Variants in NEFL observed in about 807,000 individuals in gnomAD.
The protein encoded by NEFL is neurofilament light polypeptide.
Under a neutral mutation model 51.6 loss-of-function variants are expected in NEFL, and 36 were observed. The ratio of observed to expected loss-of-function variants is 0.70; its 90% CI spans 0.53 to 0.92. The LOEUF (loss-of-function observed/expected upper bound fraction) is 0.92, where lower values mean the gene tolerates loss of function less well. Ranked by LOEUF, NEFL falls within the 40% of genes least tolerant of loss-of-function variation. The pLI, the probability that NEFL is intolerant of heterozygous loss-of-function variation, is 0.00. For missense variants in NEFL, 671 were observed against 722.0 expected (o/e 0.93, Z 0.81); for synonymous variants, 332 against 302.5 (o/e 1.10, Z -1.01).
chr8:24,954,610 T>C (rs138223314), intron 1 of NEFL, among the ~76,000 whole-genome samples: 62 of 152,356 alleles, frequency 4.1e-4, no homozygotes, highest in Non-Finnish European at 7.2e-4. Context: ...AGAAAAACTG[T>C]GTCTCTCATT....
Position 24,956,586 on chromosome 8 carries a change from G to A in NEFL, c.-71C>T, listed in dbSNP as rs1803061413. 7.1e-7 allele frequency: 1 copy of A among 1,410,464 alleles called. No individual in the cohort carries two copies. The highest frequency in any genetic ancestry group is 1.4e-5 in the African/African-American group (1 of 70,260). 87.4% of individuals were successfully genotyped at this position (1,410,464 alleles called of 1,614,324 possible). On this transcript the variant is annotated 5_prime_UTR_variant, in exon 1 of 4. Transcript: ENST00000610854. The surrounding 1 kb of genome is among the most constrained non-coding windows in gnomAD (Gnocchi z 5.9). ...GGAGAGAGAGGACAGGGGAGAGAGG[G>A]AAGGGGGAGGATGGATGGCTGTGTG...
In NEFL at chr8:24,955,831, C is replaced by A. The variant is rs1381817494; in HGVS notation, c.685G>T (p.Glu229Ter). ...EISFLKKVHE[E>*]EIAELQAQIQ... ...TGCGCCTGCAGTTCGGCGATCTCCT[C>A]TTCGTGCACTTTCTTCAGAAAAGAG... Residue 229 changes from glutamate to a stop codon, truncating the protein, a stop_gained, in exon 1 of 4, where the codon GAG becomes TAG. Transcript: ENST00000610854. LOFTEE classifies it high-confidence loss of function. The surrounding 1 kb of genome is among the most constrained non-coding windows in gnomAD (Gnocchi z 4.0). 1.2e-6 allele frequency: 2 copies of A among 1,611,212 alleles called. No homozygotes were observed. Among genetic ancestry groups the A allele is most frequent in the Non-Finnish European group, 1.7e-6 (2 of 1,179,866 alleles).
At position 24,952,841 on chromosome 8, in the gene NEFL, C is replaced by G. The variant is rs754536296; in HGVS notation, c.1601G>C (p.Gly534Ala). ...EEEEKKVEGA[G>A]EEQAAKKKD ...TTTCTTCTTAGCTGCTTGTTCCTCC[C>G]CAGCACCTTCAACTTTCTTCTCCTC... is the stretch of plus-strand genomic sequence containing the variant. Residue 534 changes from glycine (G) to alanine (A), a missense_variant, in exon 4 of 4, where the codon GGG becomes GCG. Gly to Ala is a moderately conservative substitution (Grantham distance 60). Coordinates refer to ENST00000610854, the MANE Select transcript of NEFL (RefSeq NM_006158.5). The G allele has an allele frequency of 1.9e-6, 3 of 1,613,050 alleles. No individual in the cohort carries two copies. Among genetic ancestry groups the G allele is most frequent in the East Asian group, 4.5e-5 (2 of 44,866 alleles).
rs764562926 is a variant in NEFL at position 24,955,549 on chromosome 8, G to A, written c.967C>T (p.Arg323Trp). 4.3e-6 allele frequency: 7 copies of A among 1,613,232 alleles called. No homozygotes were observed. The highest frequency in any genetic ancestry group is 5.9e-6 in the Non-Finnish European group (7 of 1,179,858). The change falls in exon 1 of 4, where the codon CGG (arginine) becomes TGG (tryptophan). Residue 323 changes from arginine to tryptophan, a missense_variant. Arg to Trp is a moderately radical substitution (Grantham distance 101). Transcript: ENST00000610854. This position sits in a 1 kb window ranked among gnomAD's most constrained non-coding sequence, Gnocchi z 4.0. ...TTCTCCAGCGCTTCATTCATGCCCC[G>A]GCATGCTTCGATTTCCAGGGTCTTG... Reference protein sequence around the residue: ...KAKTLEIEACRGMNEALEKQL... With the variant: ...KAKTLEIEACWGMNEALEKQL...
In NEFL at chr8:24,952,735, CTGGT is replaced by C. The variant is rs565006826; in HGVS notation, c.*71_*74del. 1.2e-6 allele frequency: 2 copies of C among 1,606,658 alleles called. No individual in the cohort carries two copies. The highest frequency in any genetic ancestry group is 1.1e-5 in the South Asian group (1 of 89,992). On this transcript the variant is annotated 3_prime_UTR_variant, in exon 4 of 4. Transcript: ENST00000610854. ...AATTCACATAGAATCTGGAACTCAA[CTGGT>C]TGGTTGGTTGGTGATGGGGTTGACC... is the stretch of plus-strand genomic sequence containing the variant.
chr8:24,955,420 TCCCCCCCTTGCTC>T lies in NEFL; in HGVS notation c.1044+39_1044+51del. 7.2e-6 allele frequency: 7 copies of T among 966,258 alleles called. No homozygotes were observed. The highest frequency in any genetic ancestry group is 1.1e-5 in the Non-Finnish European group (7 of 650,724). The allele number at this position is 966,258 out of a possible 1,614,324, so 59.9% of individuals were successfully genotyped here. ...GTCTCCACTTTCTGGGCGCACCAAC[TCCCCCCCTTGCTC>T]GAGTCCCCCGCCCCCCTGTGTTTCT... is the stretch of plus-strand genomic sequence containing the variant. On this transcript the variant is annotated intron_variant, in intron 1 of 3. Coordinates refer to ENST00000610854, the MANE Select transcript of NEFL (RefSeq NM_006158.5). This position sits in a 1 kb window ranked among gnomAD's most constrained non-coding sequence, Gnocchi z 4.0.
At position 24,951,304 on chromosome 8, in the gene NEFL, T is replaced by G. The variant is rs987728405; in HGVS notation, c.*1506A>C. Reference sequence around the variant, plus strand: ...GTGGTACAAAGGGATTAAGTAACTTTAAATGGAGACCACTTTGGTTTCAGG... The same window carrying G: ...GTGGTACAAAGGGATTAAGTAACTTGAAATGGAGACCACTTTGGTTTCAGG... On this transcript the variant is annotated 3_prime_UTR_variant, in exon 4 of 4. Coordinates refer to ENST00000610854, the MANE Select transcript of NEFL (RefSeq NM_006158.5). 6.6e-6 allele frequency: 1 copy of G among 152,232 alleles called. No homozygotes were observed. Among genetic ancestry groups the G allele is most frequent in the Non-Finnish European group, 1.5e-5 (1 of 68,042 alleles). 9.4% of individuals were successfully genotyped at this position (152,232 alleles called of 1,614,324 possible). A position where few individuals can be genotyped will look rare whatever the true frequency, so the allele number is the denominator to read the frequency against.
chr8:24,951,820 TA>T lies in NEFL; in HGVS notation c.*989del, dbSNP rs879529546. 21 of 152,618 alleles carry T rather than the reference TA, an allele frequency of 1.4e-4. No homozygotes were observed. Among genetic ancestry groups the T allele is most frequent in the Admixed American group, 1.3e-4 (2 of 15,278 alleles). The allele number at this position is 152,618 out of a possible 1,614,324, so 9.5% of individuals were successfully genotyped here. ...CCCTTCTCCTGAAATTATATATAGA[TA>T]AAAAATTATTCCTTCTTATTGTACC... On this transcript the variant is annotated 3_prime_UTR_variant, in exon 4 of 4. Transcript: ENST00000610854.
In NEFL at chr8:24,953,738, G is replaced by A; in HGVS notation, c.1227C>T (p.Thr409=). ...CCTGGGAGCTCTGGGAGTAGCCACT[G>A]GTTATGCTTCCCACGCTGGTGAAAC... is the stretch of plus-strand genomic sequence containing the variant. ...RLSFTSVGSI[T]SGYSQSSQVF... is the part of the protein sequence containing the mutation. The change falls in exon 3 of 4, where the codon ACC becomes ACT. Residue 409 remains threonine, a synonymous_variant. Transcript: ENST00000610854. 6.2e-7 allele frequency: 1 copy of A among 1,613,972 alleles called. No homozygotes were observed. Among genetic ancestry groups the A allele is most frequent in the South Asian group, 1.1e-5 (1 of 91,074 alleles).
rs2117253813 is a variant in NEFL, at chr8:24,955,322, C to T, written c.1044+150G>A. ...GCCCGCACTCACGCCCTTCAAGTGC[C>T]CCACCCCTCCCACACAGTGGCCAAG... is the stretch of plus-strand genomic sequence containing the variant. On this transcript the variant is annotated intron_variant, in intron 1 of 3. Transcript: ENST00000610854. This position sits in a 1 kb window ranked among gnomAD's most constrained non-coding sequence, Gnocchi z 4.0. 3 of 755,532 alleles carry T rather than the reference C, an allele frequency of 4.0e-6. No individual in the cohort carries two copies. The South Asian group carries it at 5.7e-5, about 14-fold the overall frequency. The allele number at this position is 755,532 out of a possible 1,614,324, so 46.8% of individuals were successfully genotyped here.
chr8:24,955,381 C>G lies in NEFL; in HGVS notation c.1044+91G>C. 1.5e-6 allele frequency: 2 copies of G among 1,300,622 alleles called. No homozygotes were observed. The highest frequency in any genetic ancestry group is 2.1e-6 in the Non-Finnish European group (2 of 959,368). The allele number at this position is 1,300,622 out of a possible 1,614,324, so 80.6% of individuals were successfully genotyped here. On this transcript the variant is annotated intron_variant, in intron 1 of 3. Transcript: ENST00000610854. The surrounding 1 kb of genome is among the most constrained non-coding windows in gnomAD (Gnocchi z 4.0). ...CCCTATCCCTAAGAGCTGCGTGCAG[C>G]CGCACCACCCCTGGTCTCCACTTTC...
Position 24,956,248 on chromosome 8 carries a change from C to G in NEFL, c.268G>C (p.Glu90Gln), listed in dbSNP as rs58332872. 1 of 1,612,060 alleles carries G rather than the reference C, an allele frequency of 6.2e-7. No homozygotes were observed. Residue 90 changes from glutamate to glutamine, a missense_variant, in exon 1 of 4, where the codon GAG (glutamate) becomes CAG (glutamine). Coordinates refer to ENST00000610854, the MANE Select transcript of NEFL (RefSeq NM_006158.5). The surrounding 1 kb of genome is among the most constrained non-coding windows in gnomAD (Gnocchi z 5.9). ...SNDLKSIRTQ[E>Q]KAQLQDLNDR... ...TTGAGGTCCTGGAGCTGCGCCTTCT[C>G]CTGCGTGCGGATGGACTTGAGGTCG...
rs1054913532 is a variant in NEFL, at chr8:24,952,937, G to A, written c.1505C>T (p.Ser502Phe). The A allele has an allele frequency of 6.2e-6, 10 of 1,611,008 alleles. No homozygotes were observed. The South Asian group carries it at 6.6e-5, about 11-fold the overall frequency. Reference sequence around the variant, plus strand: ...TTCTTCTTCTTCTTTTGCTTCTTCAGACTCTTCCTTGGCAGCTTTAACATA... The same window carrying A: ...TTCTTCTTCTTCTTTTGCTTCTTCAAACTCTTCCTTGGCAGCTTTAACATA... ...AEEEEAAKEE[S>F]EEAKEEEEGG... The change falls in exon 4 of 4, where the codon TCT becomes TTT. Residue 502 changes from serine (S) to phenylalanine (F), a missense_variant. Transcript: ENST00000610854.
Position 24,956,304 on chromosome 8 carries a change from A to T in NEFL, c.212T>A (p.Leu71His), listed in dbSNP as rs377171291. 1.2e-6 allele frequency: 2 copies of T among 1,610,506 alleles called. No homozygotes were observed. The highest frequency in any genetic ancestry group is 2.7e-5 in the African/African-American group (2 of 74,828). The change falls in exon 1 of 4, where the codon CTC becomes CAC. Residue 71 changes from leucine to histidine, a missense_variant. Coordinates refer to ENST00000610854, the MANE Select transcript of NEFL (RefSeq NM_006158.5). This position sits in a 1 kb window ranked among gnomAD's most constrained non-coding sequence, Gnocchi z 5.9. ...GATGGCGGCTACCTGGCTCAGGTCG[A>T]GGTTCTCCAGACTGGGCATCAACGA... Reference protein sequence around the residue: ...SGSLMPSLENLDLSQVAAISN... With the variant: ...SGSLMPSLENHDLSQVAAISN...
Position 24,955,748 on chromosome 8 carries a change from G to A in NEFL, c.768C>T (p.Ala256=), listed in dbSNP as rs772349866. 2 of 1,613,656 alleles carry A rather than the reference G, an allele frequency of 1.2e-6. No individual in the cohort carries two copies. The highest frequency in any genetic ancestry group is 1.7e-6 in the Non-Finnish European group (2 of 1,179,864). Residue 256 remains alanine, a synonymous_variant, in exon 1 of 4, where the codon GCC becomes GCT. Coordinates refer to ENST00000610854, the MANE Select transcript of NEFL (RefSeq NM_006158.5). The surrounding 1 kb of genome is among the most constrained non-coding windows in gnomAD (Gnocchi z 4.0). ...ACTGCGCGCGGATGTCCTTGAGCGC[G>A]GCGGAAAGGTCGGGCTTGGTCACGT... The part of the protein sequence containing the change: ...EMDVTKPDLS[A]ALKDIRAQYE...
In NEFL at chr8:24,951,777, A is replaced by C. The variant is rs1284102067; in HGVS notation, c.*1033T>G. 6.6e-6 allele frequency: 1 copy of C among 152,636 alleles called. No individual in the cohort carries two copies. Among genetic ancestry groups the C allele is most frequent in the Non-Finnish European group, 1.5e-5 (1 of 68,042 alleles). The allele number at this position is 152,636 out of a possible 1,614,324, so 9.5% of individuals were successfully genotyped here. ...CATGTTTGCAGTGGAGTGGCAAATA[A>C]CCTTTGGTAGTTTTAATCCCTTCTC... On this transcript the variant is annotated 3_prime_UTR_variant, in exon 4 of 4. Coordinates refer to ENST00000610854, the MANE Select transcript of NEFL (RefSeq NM_006158.5).
At position 24,953,480 on chromosome 8, in the gene NEFL, T is replaced by C. The variant is rs1383703053; in HGVS notation, c.1485A>G (p.Glu495=). Residue 495 remains glutamate, a synonymous_variant, in exon 3 of 4, where the codon GAA becomes GAG. Coordinates refer to ENST00000610854, the MANE Select transcript of NEFL (RefSeq NM_006158.5). Reference sequence around the variant, plus strand: ...AGGGGTTTTTTCTTATCATACCTTCTTCCTCTTCAGCTGCCTCCTCTTCCT... The same window carrying C: ...AGGGGTTTTTTCTTATCATACCTTCCTCCTCTTCAGCTGCCTCCTCTTCCT... ...EAEEEEAAEE[E]EAAKEESEEA... is the part of the protein sequence containing the mutation. 4 of 1,568,926 alleles carry C rather than the reference T, an allele frequency of 2.5e-6. No individual in the cohort carries two copies. The highest frequency in any genetic ancestry group is 3.5e-6 in the Non-Finnish European group (4 of 1,156,938).
At position 24,955,534 on chromosome 8, in the gene NEFL, C is replaced by T. The variant is rs753284290; in HGVS notation, c.982G>A (p.Ala328Thr). Residue 328 changes from alanine to threonine, a missense_variant, in exon 1 of 4, where the codon GCG becomes ACG. By Grantham distance (58) the Ala-to-Thr change is moderately conservative (BLOSUM62 0). Transcript: ENST00000610854. This position sits in a 1 kb window ranked among gnomAD's most constrained non-coding sequence, Gnocchi z 4.0. Reference protein sequence around the residue: ...EIEACRGMNEALEKQLQELED... With the variant: ...EIEACRGMNETLEKQLQELED... The stretch of plus-strand genomic sequence containing the variant: ...AGCTCCTGCAGCTGCTTCTCCAGCG[C>T]TTCATTCATGCCCCGGCATGCTTCG... 3 of 1,613,292 alleles carry T rather than the reference C, an allele frequency of 1.9e-6. No homozygotes were observed.
chr8:24,952,684 C>A lies in NEFL; in HGVS notation c.*126G>T. 1 of 1,427,820 alleles carries A rather than the reference C, an allele frequency of 7.0e-7. No individual in the cohort carries two copies. Among genetic ancestry groups the A allele is most frequent in the South Asian group, 1.3e-5 (1 of 74,678 alleles). 88.4% of individuals were successfully genotyped at this position (1,427,820 alleles called of 1,614,324 possible). A position where few individuals can be genotyped will look rare whatever the true frequency, so the allele number is the denominator to read the frequency against. ...ATTGAATGTCCAACCTAAGTCATCTCAGAATTATACATATATTGACTTTTT... is the reference window on the plus strand; with the variant it reads ...ATTGAATGTCCAACCTAAGTCATCTAAGAATTATACATATATTGACTTTTT... On this transcript the variant is annotated 3_prime_UTR_variant, in exon 4 of 4. Coordinates refer to ENST00000610854, the MANE Select transcript of NEFL (RefSeq NM_006158.5).
Sources: allele counts gnomAD v4.1 joint callset (sites outside exome capture counted in the v4.1 genomes callset), GRCh38; gene constraint gnomAD v4.1.1; non-coding constraint Gnocchi (gnomAD v3.1); transcripts MANE v1.5; gene names NCBI Gene and HGNC (gene_info 2026-07-23, HGNC 2026-07-21).